MAP3K5: variants seen among roughly 807,000 people sequenced by gnomAD.
MAP3K5 encodes mitogen-activated protein kinase kinase kinase 5.
Under a neutral mutation model 158.7 loss-of-function variants are expected in MAP3K5, and 56 were observed. That is an observed-to-expected ratio of 0.35 (90% CI 0.28 to 0.44). The LOEUF is 0.44. Ranked by LOEUF, MAP3K5 falls within the 20% of genes least tolerant of loss-of-function variation. The pLI is 1.00. For missense variants in MAP3K5, 1,294 were observed against 1,674.8 expected (o/e 0.77, Z 3.97); for synonymous variants, 579 against 601.7 (o/e 0.96, Z 0.55).
intron 1 of MAP3K5, among the ~76,000 whole-genome samples, chr6:136,773,871 C>T (rs1256077450): frequency 6.6e-6 from 1 of 152,032 alleles, no homozygotes; most frequent in African/African-American, 2.4e-5. Context: ...TGGTCTCAAA[C>T]ACCTGGTCTC....
At chr6:136,575,141 A>G (rs967316613) in intron 25 of MAP3K5, among the ~76,000 whole-genome samples, 4 of 151,260 alleles carry the variant, frequency 2.6e-5, no homozygotes, top group Admixed American at 6.6e-5. Context: ...AAACCAGGAA[A>G]TTAACATTGA....
intron 8 of MAP3K5, among the ~76,000 whole-genome samples, chr6:136,665,127 G>A (rs1779171728): frequency 6.6e-6 from 1 of 152,056 alleles, no homozygotes; most frequent in Admixed American, 6.6e-5. Flanking sequence ...GTTAGCTTTG[G>A]TATCATGTAA....
At chr6:136,614,126 T>G (rs1457785307) in intron 16 of MAP3K5, 33 bp downstream of exon 16, 1 of 1,606,266 alleles carries the variant, frequency 6.2e-7, no homozygotes, top group Non-Finnish European at 8.5e-7. Context: ...GCTCTAAACA[T>G]TCACACTTTT....
intron 10 of MAP3K5, 160 bp downstream of exon 10, chr6:136,656,147 A>G: frequency 1.7e-6 from 1 of 591,564 alleles, no homozygotes; most frequent in Non-Finnish European, 3.0e-6. Flanking sequence ...TTATTTTTAA[A>G]AGTAAGCTAA....
chr6:136,718,362 C>G (rs891255926), intron 2 of MAP3K5, among the ~76,000 whole-genome samples: 37 of 152,092 alleles, frequency 2.4e-4, no homozygotes, highest in Admixed American at 2.2e-3. Flanking sequence ...TGCTGCCACA[C>G]CTGGCTAATT....
intron 7 of MAP3K5, among the ~76,000 whole-genome samples, chr6:136,691,986 A>G (rs1780407641): frequency 6.6e-6 from 1 of 151,918 alleles, no homozygotes; most frequent in Admixed American, 6.6e-5. Flanking sequence ...GTTTATTTCT[A>G]TGAATAATTT....
chr6:136,706,307 C>T (rs9389426), intron 2 of MAP3K5, among the ~76,000 whole-genome samples: 86,746 of 151,952 alleles, frequency 0.57, 25,938 homozygotes, highest in African/African-American at 0.75. Context: ...GCAGTGTGCC[C>T]ATCTTCTAGG....
At chr6:136,672,989 CAAA>C (rs538682132) in intron 7 of MAP3K5, among the ~76,000 whole-genome samples, 2 of 83,964 alleles carry the variant, frequency 2.4e-5, no homozygotes, top group Non-Finnish European at 5.2e-5. Flanking sequence ...GACTCTATCT[CAAA>C]AAAAAAAAAA....
chr6:136,633,907 A>G (rs1168666289), intron 14 of MAP3K5, among the ~76,000 whole-genome samples: 1 of 152,222 alleles, frequency 6.6e-6, no homozygotes, highest in Non-Finnish European at 1.5e-5. Context: ...TAATTGACGC[A>G]TGTATTGAAA....
At chr6:136,656,209 A>T in intron 10 of MAP3K5, 98 bp downstream of exon 10, 1 of 1,019,712 alleles carries the variant, frequency 9.8e-7, no homozygotes, top group Non-Finnish European at 1.5e-6. Context: ...CTGCAGTTTT[A>T]AGGCACCAAA....
chr6:136,632,718 C>T (rs181436698), intron 14 of MAP3K5, among the ~76,000 whole-genome samples: 7 of 152,072 alleles, frequency 4.6e-5, no homozygotes, highest in East Asian at 3.9e-4. Flanking sequence ...GGGATTAAGA[C>T]GGGTTTGGGA....
intron 18 of MAP3K5, among the ~76,000 whole-genome samples, chr6:136,606,992 T>C (rs1776129069): frequency 6.6e-6 from 1 of 152,248 alleles, no homozygotes; most frequent in Non-Finnish European, 1.5e-5. Context: ...TAGTTCACGC[T>C]AACATACAAC....
In MAP3K5 at chr6:136,633,425, G is replaced by GTATATATA. The variant is rs139665870; in HGVS notation, c.2016+3892_2016+3899dup. 2.6e-4 allele frequency among the ~76,000 whole-genome samples: 39 copies of GTATATATA among 147,364 alleles called. 1 individual carries two copies. The South Asian group carries it at 3.2e-3, about 12-fold the overall frequency. ...AAAAAATAAAATAAAATAAATATATGTATATATATATATATATTCTTTTCA... is the reference window on the plus strand; with the variant it reads ...AAAAAATAAAATAAAATAAATATATGTATATATATATATATATATATATATTCTTTTCA... On this transcript the variant is annotated intron_variant, in intron 14 of 29. Transcript: ENST00000359015.
At chr6:136,719,566 T>G (rs778231081) in intron 2 of MAP3K5, among the ~76,000 whole-genome samples, 4 of 152,224 alleles carry the variant, frequency 2.6e-5, no homozygotes, top group African/African-American at 4.8e-5. Flanking sequence ...AAGCCACACA[T>G]GCTTTAAATA....
rs749316065 is a variant in MAP3K5, at chr6:136,659,350, T to A, written c.1395A>T (p.Lys465Asn). 2.5e-6 allele frequency: 4 copies of A among 1,614,104 alleles called. No individual in the cohort carries two copies. Among genetic ancestry groups the A allele is most frequent in the Non-Finnish European group, 3.4e-6 (4 of 1,180,010 alleles). ...TCTGGAGTTTTTCCAAGTTTCCCTT[T>A]TTACCAAGAAGACTACTTAGCTTCA... ...VGVKLSSLLG[K>N]KGNLEKLQSY... The change falls in exon 9 of 30, where the codon AAA becomes AAT. Residue 465 changes from lysine (K) to asparagine (N), a missense_variant. This residue lies in a region of MAP3K5 where 690 missense variants were observed against 870.5 expected (regional missense o/e 0.79). Coordinates refer to ENST00000359015, the MANE Select transcript of MAP3K5 (RefSeq NM_005923.4).
chr6:136,772,716 G>A (rs1784257084), intron 1 of MAP3K5, among the ~76,000 whole-genome samples: 1 of 152,162 alleles, frequency 6.6e-6, no homozygotes, highest in Non-Finnish European at 1.5e-5. Flanking sequence ...GGCAAACTGA[G>A]CAAAATAAAT....
At chr6:136,717,031 G>A (rs749231575) in intron 2 of MAP3K5, among the ~76,000 whole-genome samples, 6 of 151,614 alleles carry the variant, frequency 4.0e-5, no homozygotes, top group Non-Finnish European at 7.4e-5. Flanking sequence ...GGTGGCACGT[G>A]CCTATAATCC....
At chr6:136,597,489 T>C (rs866568905) in intron 21 of MAP3K5, among the ~76,000 whole-genome samples, 3 of 152,302 alleles carry the variant, frequency 2.0e-5, no homozygotes, top group South Asian at 2.1e-4. Context: ...CAGAGTCTCC[T>C]AACTGGCCAT....
intron 1 of MAP3K5, among the ~76,000 whole-genome samples, chr6:136,773,032 C>T (rs1258929229): frequency 1.3e-5 from 2 of 152,052 alleles, no homozygotes; most frequent in East Asian, 1.9e-4. Context: ...AAGAGATTCT[C>T]GGAAGGAAAA....
Sources: gnomAD v4.1 joint callset for allele counts (sites outside exome capture counted in the v4.1 genomes callset) on GRCh38, gnomAD v4.1.1 for gene constraint, gnomAD v4.1.1 regional missense constraint, MANE v1.5 for transcripts, NCBI Gene and HGNC (gene_info 2026-07-23, HGNC 2026-07-21) for gene names.